The following CPA6 variants were observed in gnomAD, a reference collection of about 807,000 sequenced individuals.
The protein encoded by CPA6 is carboxypeptidase B.
In CPA6, 58 loss-of-function variants were observed where a neutral mutation model predicts 63.3. The observed-to-expected ratio is 0.92, with a 90% CI of 0.74 to 1.14. The LOEUF is 1.14. Ranked by LOEUF, CPA6 falls within the 50% of genes most tolerant of loss-of-function variation. CPA6 has a pLI of 0.00. For missense variants in CPA6, 565 were observed against 526.6 expected, an observed-to-expected ratio of 1.07 and a Z score of -0.71; for synonymous variants, 185 against 179.0, an observed-to-expected ratio of 1.03 and a Z score of -0.27.
At chr8:67,611,957 G>C (rs1814817749) in intron 2 of CPA6, among the ~76,000 whole-genome samples, 1 of 152,188 alleles carries the variant, frequency 6.6e-6, no homozygotes, top group Admixed American at 6.5e-5. Context: ...AAGAGTAGTA[G>C]TTCTCTGCAT....
intron 2 of CPA6, among the ~76,000 whole-genome samples, chr8:67,560,611 A>G (rs1164289795): frequency 6.6e-6 from 1 of 152,142 alleles, no homozygotes; most frequent in Non-Finnish European, 1.5e-5. Context: ...TCTTCCTTCT[A>G]GAAGTGGCTG....
chr8:67,692,251 G>A (rs879488601), intron 1 of CPA6, among the ~76,000 whole-genome samples: 1 of 148,622 alleles, frequency 6.7e-6, no homozygotes, highest in African/African-American at 2.5e-5. Context: ...CAGGAGAATC[G>A]CTTGAATCCA....
intron 2 of CPA6, among the ~76,000 whole-genome samples, chr8:67,573,851 C>G (rs1390149814): frequency 7.5e-6 from 1 of 132,532 alleles, no homozygotes; most frequent in African/African-American, 2.9e-5. Context: ...GAGATCACGC[C>G]ACTGCACTCC....
At chr8:67,647,562 C>CTGAA (rs1815739375) in intron 1 of CPA6, among the ~76,000 whole-genome samples, 1 of 152,154 alleles carries the variant, frequency 6.6e-6, no homozygotes, top group Admixed American at 6.5e-5. Flanking sequence ...ATATGCTGAA[C>CTGAA]TGAAGAAGCA....
chr8:67,512,792 C>T (rs1812068398), intron 3 of CPA6, among the ~76,000 whole-genome samples: 1 of 152,146 alleles, frequency 6.6e-6, no homozygotes, highest in African/African-American at 2.4e-5. Context: ...ATTAAAAGAA[C>T]ATATAATGGC....
chr8:67,520,681 T>C (rs1812240279), intron 2 of CPA6, among the ~76,000 whole-genome samples: 1 of 152,316 alleles, frequency 6.6e-6, no homozygotes, highest in African/African-American at 2.4e-5. Flanking sequence ...GAGGAATTAA[T>C]TGTAGATACA....
chr8:67,611,518 G>A (rs1225327384), intron 2 of CPA6, among the ~76,000 whole-genome samples: 2 of 152,130 alleles, frequency 1.3e-5, no homozygotes, highest in African/African-American at 2.4e-5. Flanking sequence ...GACCAGCAAA[G>A]GTGTTATTCC....
intron 1 of CPA6, among the ~76,000 whole-genome samples, chr8:67,733,198 AAAAAAAAAAAAAAAAAAAAAAAAAAAT>A (rs1295145964): frequency 9.3e-5 from 5 of 53,850 alleles, no homozygotes; most frequent in African/African-American, 2.7e-4. Flanking sequence ...CTCCATCTCA[AAAAAAAAAAAAAAAAAAAAAAAAAAAT>A]AAAAAAATTT....
chr8:67,611,088 CT>C (rs10561387), intron 2 of CPA6, among the ~76,000 whole-genome samples: 49,306 of 146,456 alleles, frequency 0.34, 8,646 homozygotes, highest in African/African-American at 0.44. Flanking sequence ...TTCACTCCTT[CT>C]TTTTTTTTTT....
chr8:67,443,609 A>T (rs1390967675), intron 8 of CPA6, among the ~76,000 whole-genome samples: 7 of 152,172 alleles, frequency 4.6e-5, no homozygotes, highest in African/African-American at 1.2e-4. Context: ...ATTTTATAAC[A>T]TTCATTTCCA....
intron 2 of CPA6, among the ~76,000 whole-genome samples, chr8:67,614,741 T>C (rs1456879534): frequency 2.6e-5 from 4 of 152,194 alleles, no homozygotes. Context: ...CCCAGGCTTG[T>C]GCCCAACTCT....
chr8:67,745,982 G>T, intron 1 of CPA6, 32 bp downstream of exon 1: 2 of 1,533,142 alleles, frequency 1.3e-6, no homozygotes, highest in Non-Finnish European at 1.8e-6. Context: ...CCAAATCAAA[G>T]CTGTGTAGGG....
chr8:67,656,010 T>C (rs895747059), intron 1 of CPA6, among the ~76,000 whole-genome samples: 3 of 152,178 alleles, frequency 2.0e-5, no homozygotes, highest in African/African-American at 7.2e-5. Flanking sequence ...TTATGGGCTT[T>C]ATGAGTTTTG....
intron 1 of CPA6, among the ~76,000 whole-genome samples, chr8:67,700,524 A>C (rs1007635158): frequency 8.5e-5 from 13 of 152,162 alleles, no homozygotes; most frequent in Non-Finnish European, 1.8e-4. Context: ...TTGGGGAGAC[A>C]AGTCAATCAT....
chr8:67,542,021 A>C (rs1420069514), intron 2 of CPA6, among the ~76,000 whole-genome samples: 2 of 152,252 alleles, frequency 1.3e-5, no homozygotes, highest in East Asian at 3.8e-4. Context: ...ATTATCTGGC[A>C]AGAAACCAGT....
At chr8:67,508,212 A>G (rs577622785) in intron 5 of CPA6, among the ~76,000 whole-genome samples, 3 of 152,230 alleles carry the variant, frequency 2.0e-5, no homozygotes, top group South Asian at 2.1e-4. Flanking sequence ...GGTAATAGCT[A>G]TGAGGACAAG....
chr8:67,500,058 A>G (rs1026056913), intron 6 of CPA6, among the ~76,000 whole-genome samples: 27 of 152,176 alleles, frequency 1.8e-4, no homozygotes, highest in Non-Finnish European at 3.1e-4. Flanking sequence ...CCTAGTTTGA[A>G]AAGAGACTGC....
intron 2 of CPA6, among the ~76,000 whole-genome samples, chr8:67,596,407 G>C (rs1338817717): frequency 6.6e-6 from 1 of 152,118 alleles, no homozygotes; most frequent in Non-Finnish European, 1.5e-5. Context: ...CTGTTAAGCT[G>C]CTTGTTTTAG....
chr8:67,648,466 C>G (rs138913651), intron 1 of CPA6, among the ~76,000 whole-genome samples: 87 of 152,234 alleles, frequency 5.7e-4, no homozygotes, highest in Non-Finnish European at 9.9e-4. Flanking sequence ...GCTCCAAATT[C>G]AAGTCTTGAG....
Sources: gnomAD v4.1 joint callset for allele counts (sites outside exome capture counted in the v4.1 genomes callset) on GRCh38, gnomAD v4.1.1 for gene constraint, MANE v1.5 for transcripts, NCBI Gene and HGNC (gene_info 2026-07-23, HGNC 2026-07-21) for gene names.